The following SIGLEC9 variants were observed in gnomAD, a reference collection of about 807,000 sequenced individuals.
The protein encoded by SIGLEC9 is sialic acid binding Ig like lectin 9.
A neutral mutation model predicts 38.3 loss-of-function variants in SIGLEC9; 26 were observed. The observed-to-expected ratio is 0.68, with a 90% CI of 0.50 to 0.94. The LOEUF (loss-of-function observed/expected upper bound fraction) is 0.94. Ranked by LOEUF, SIGLEC9 falls within the 40% of genes least tolerant of loss-of-function variation. SIGLEC9 has a pLI of 0.00. For synonymous variants in SIGLEC9, 236 were observed against 248.0 expected, an observed-to-expected ratio of 0.95 and a Z score of 0.45; for missense variants, 556 against 585.7, an observed-to-expected ratio of 0.95 and a Z score of 0.52.
Position 51,125,007 on chromosome 19 carries a change from G to C in SIGLEC9, c.33G>C (p.Gly11=), listed in dbSNP as rs1199663680. 1.9e-6 allele frequency: 3 copies of C among 1,611,260 alleles called. No individual in the cohort carries two copies. In the African/African-American group the frequency reaches 4.0e-5, roughly 22 times the overall value. The change falls in exon 1 of 7, where the codon GGG becomes GGC. Residue 11 remains glycine (G), a synonymous_variant. Transcript: ENST00000250360. ...TGCTGCTGCTGCCCCTGCTCTGGGG[G>C]AGGGAGAGGGCGGAAGGACAGACAA... The part of the protein sequence containing the change: MLLLLLPLLW[G]RERAEGQTSK...
chr19:51,121,667 A>G (rs1043832779), upstream of SIGLEC9, among the ~76,000 whole-genome samples: 1 of 145,386 alleles, frequency 6.9e-6, no homozygotes, highest in Non-Finnish European at 1.5e-5. Context: ...GCTCACTGCA[A>G]CCTCCGCCTC....
At chr19:51,134,147 CTTTTTTTTTTTTTTT>C (rs71185802), downstream of SIGLEC9, among the ~76,000 whole-genome samples, 9 of 66,510 alleles carry the variant, frequency 1.4e-4, no homozygotes, top group Admixed American at 1.3e-3. Context: ...TCTTTCTTTT[CTTTTTTTTTTTTTTT>C]TTTTTTTTTT....
At chr19:51,128,550 G>A (rs2091994212) in intron 6 of SIGLEC9, 40 bp downstream of exon 6, 1 of 1,579,302 alleles carries the variant, frequency 6.3e-7, no homozygotes, top group East Asian at 2.2e-5. Context: ...ATGTAGCCTG[G>A]ACACCTCCCA....
At chr19:51,123,475 T>G (rs2091955859), upstream of SIGLEC9, among the ~76,000 whole-genome samples, 1 of 152,208 alleles carries the variant, frequency 6.6e-6, no homozygotes, top group Non-Finnish European at 1.5e-5. Context: ...GGCTCAGCCC[T>G]TCTGACCATT....
chr19:51,132,775 G>T (rs2092023798), downstream of SIGLEC9, among the ~76,000 whole-genome samples: 1 of 152,102 alleles, frequency 6.6e-6, no homozygotes, highest in African/African-American at 2.4e-5. Flanking sequence ...CAACACAAAT[G>T]AACTAAGATA....
At position 51,128,024 on chromosome 19, in the gene SIGLEC9, G is replaced by A; in HGVS notation, c.1091G>A (p.Cys364Tyr). The A allele has an allele frequency of 6.2e-7, 1 of 1,613,740 alleles. No individual in the cohort carries two copies. Among genetic ancestry groups the A allele is most frequent in the South Asian group, 1.1e-5 (1 of 91,078 alleles). Residue 364 changes from cysteine to tyrosine, a missense_variant, in exon 5 of 7, where the codon TGC (cysteine) becomes TAC (tyrosine). Physicochemically the swap from Cys to Tyr is radical, Grantham distance 194 (BLOSUM62 -2). Transcript: ENST00000250360. Reference protein sequence around the residue: ...GATALVFLSFCVIFVVVRSCR... With the variant: ...GATALVFLSFYVIFVVVRSCR... ...ACAGCCCTGGTCTTCCTGTCCTTCT[G>A]CGTCATCTTCGTTGTGTAAGCATGG...
At chr19:51,131,476 C>A (rs554837107), downstream of SIGLEC9, among the ~76,000 whole-genome samples, 2 of 151,842 alleles carry the variant, frequency 1.3e-5, no homozygotes, top group East Asian at 3.9e-4. Flanking sequence ...GTCCCAGCTA[C>A]TCGGGAGGCT....
chr19:51,125,397 T>C lies in SIGLEC9; in HGVS notation c.421+2T>C. 1.3e-6 allele frequency: 2 copies of C among 1,576,142 alleles called. No homozygotes were observed. Among genetic ancestry groups the C allele is most frequent in the Middle Eastern group, 1.7e-4 (1 of 5,824 alleles). The stretch of plus-strand genomic sequence containing the variant: ...ACCGGCTCTCTGTGAATGTGACAGG[T>C]AAGGCACAGGCTCCAGGAAAGGCCA... On this transcript the variant is annotated splice_donor_variant, in intron 1 of 6. Coordinates refer to ENST00000250360, the MANE Select transcript of SIGLEC9 (RefSeq NM_014441.3). LOFTEE classifies it high-confidence loss of function.
chr19:51,129,174 T>TTTTTTTTTTTTTTTTTC, intron 6 of SIGLEC9, among the ~76,000 whole-genome samples: 1 of 149,490 alleles, frequency 6.7e-6, no homozygotes, highest in African/African-American at 2.6e-5. Flanking sequence ...TGTTGTTGTT[T>TTTTTTTTTTTTTTTTTC]TTGAGACAGA....
chr19:51,128,668 C>A, intron 6 of SIGLEC9, 158 bp downstream of exon 6: 1 of 641,336 alleles, frequency 1.6e-6, no homozygotes, highest in South Asian at 2.0e-5. Flanking sequence ...TGGTTTCCTC[C>A]CCTAAGAACA....
chr19:51,129,223 A>G (rs2091999839), intron 6 of SIGLEC9, among the ~76,000 whole-genome samples: 1 of 147,448 alleles, frequency 6.8e-6, no homozygotes. Context: ...CAGTGGTGCG[A>G]TCTCTGCTCA....
At position 51,128,468 on chromosome 19, in the gene SIGLEC9, G is replaced by A. The variant is rs772136252; in HGVS notation, c.1161G>A (p.Thr387=). 4.3e-5 allele frequency: 69 copies of A among 1,613,964 alleles called. No homozygotes were observed. The highest frequency in any genetic ancestry group is 6.7e-5 in the Admixed American group (4 of 59,998). ...SARPAAGVGD[T]GIEDANAVRG... is the part of the protein sequence containing the mutation. The stretch of plus-strand genomic sequence containing the variant: ...GGCCAGCAGCGGGCGTGGGAGATAC[G>A]GGCATAGAGGATGCAAACGCTGTCA... The change falls in exon 6 of 7, where the codon ACG becomes ACA. Residue 387 remains threonine, a synonymous_variant. Coordinates refer to ENST00000250360, the MANE Select transcript of SIGLEC9 (RefSeq NM_014441.3).
Position 51,125,728 on chromosome 19 carries a change from G to A in SIGLEC9, c.553G>A (p.Val185Met), listed in dbSNP as rs200142428. The A allele has an allele frequency of 1.7e-5, 28 of 1,613,960 alleles. No individual in the cohort carries two copies. The highest frequency in any genetic ancestry group is 1.2e-4 in the African/African-American group (9 of 75,004). The part of the protein sequence containing the change: ...PPMISWIGTS[V>M]SPLDPSTTRS... ...TATGATCTCCTGGATAGGGACCTCC[G>A]TGTCCCCCCTGGACCCCTCCACCAC... Residue 185 changes from valine (V) to methionine (M), a missense_variant, in exon 2 of 7, where the codon GTG becomes ATG. Physicochemically the swap from Val to Met is conservative, Grantham distance 21. Transcript: ENST00000250360.
rs138644874 is a variant in SIGLEC9 at position 51,125,367 on chromosome 19, A to C, written c.393A>C (p.Lys131Asn). ...AAGGAAGTATAAAATGGAATTATAA[A>C]CATCACCGGCTCTCTGTGAATGTGA... ...MEKGSIKWNY[K>N]HHRLSVNVTA... The change falls in exon 1 of 7, where the codon AAA becomes AAC. Residue 131 changes from lysine (K) to asparagine (N), a missense_variant. Transcript: ENST00000250360. 1.0e-3 allele frequency: 1,603 copies of C among 1,594,410 alleles called. 1 individual carries two copies. Among genetic ancestry groups the C allele is most frequent in the Non-Finnish European group, 1.3e-3 (1,551 of 1,169,436 alleles).
At chr19:51,133,815 A>G (rs2092029374), downstream of SIGLEC9, among the ~76,000 whole-genome samples, 1 of 152,168 alleles carries the variant, frequency 6.6e-6, no homozygotes, top group African/African-American at 2.4e-5. Flanking sequence ...ATTTAGTGAG[A>G]AAATAATATA....
upstream of SIGLEC9, among the ~76,000 whole-genome samples, chr19:51,124,383 C>T (rs1599814236): frequency 6.6e-6 from 1 of 152,128 alleles, no homozygotes. Context: ...AAGCTCCTGC[C>T]GTGGACAGCT....
rs146162797 is a variant in SIGLEC9, at chr19:51,126,085, G to C, written c.705G>C (p.Pro235=). The C allele has an allele frequency of 6.2e-7, 1 of 1,613,884 alleles. No homozygotes were observed. The highest frequency in any genetic ancestry group is 1.1e-5 in the South Asian group (1 of 91,086). Residue 235 remains proline (P), a synonymous_variant, in exon 3 of 7, where the codon CCG becomes CCC. Transcript: ENST00000250360. ...NKTVHLNVSY[P]PQNLTMTVFQ... Reference sequence around the variant, plus strand: ...CTCCATGTCTTTCTGTCCCAGACCCGCCTCAGAACTTGACCATGACTGTCT... The same window carrying C: ...CTCCATGTCTTTCTGTCCCAGACCCCCCTCAGAACTTGACCATGACTGTCT...
At chr19:51,124,769 A>G (rs941893689), upstream of SIGLEC9, 1 of 634,610 alleles carries the variant, frequency 1.6e-6, no homozygotes, top group Non-Finnish European at 2.7e-6. Flanking sequence ...AGGAGTGAAC[A>G]TGGGGTGGTG....
At position 51,127,175 on chromosome 19, in the gene SIGLEC9, G is replaced by A. The variant is rs2091984100; in HGVS notation, c.894G>A (p.Gln298=). 8 of 1,614,266 alleles carry A rather than the reference G, an allele frequency of 5.0e-6. No homozygotes were observed. Among genetic ancestry groups the A allele is most frequent in the Non-Finnish European group, 5.1e-6 (6 of 1,180,052 alleles). ...SWRGLTLCPS[Q]PSNPGVLELP... is the part of the protein sequence containing the mutation. ...GAGGCCTGACCCTGTGCCCCTCACA[G>A]CCCTCAAACCCGGGGGTGCTGGAGC... Residue 298 remains glutamine (Q), a synonymous_variant, in exon 4 of 7, where the codon CAG becomes CAA. Transcript: ENST00000250360.
Sources: allele counts gnomAD v4.1 joint callset (sites outside exome capture counted in the v4.1 genomes callset), GRCh38; gene constraint gnomAD v4.1.1; transcripts MANE v1.5; gene names NCBI Gene and HGNC (gene_info 2026-07-23, HGNC 2026-07-21).